Variants in BIRC6 observed in about 807,000 individuals in gnomAD.
BIRC6 encodes baculoviral IAP repeat containing 6, also known as dual E2 ubiquitin-conjugating enzyme/E3 ubiquitin-protein ligase BIRC6.
In BIRC6, 98 loss-of-function variants were observed where a neutral mutation model predicts 503.3. The ratio of observed to expected loss-of-function variants is 0.19; its 90% CI spans 0.17 to 0.23. The LOEUF (loss-of-function observed/expected upper bound fraction) is 0.23. Among genes scored for constraint, BIRC6 ranks in the 10% least tolerant of loss-of-function variants. The pLI is 1.00. For synonymous variants in BIRC6, 2,240 were observed against 2,078.7 expected, an observed-to-expected ratio of 1.08 and a Z score of -2.11; for missense variants, 5,360 against 5,806.0, an observed-to-expected ratio of 0.92 and a Z score of 2.50.
At chr2:32,610,912 G>A (rs1238944526) in intron 72 of BIRC6, among the ~76,000 whole-genome samples, 2 of 151,454 alleles carry the variant, frequency 1.3e-5, no homozygotes, top group African/African-American at 4.9e-5. Flanking sequence ...GGCACTACAG[G>A]TGCCTGCCAC....
At chr2:32,607,975 C>CAAAAAAA (rs35242178) in intron 72 of BIRC6, among the ~76,000 whole-genome samples, 4 of 51,930 alleles carry the variant, frequency 7.7e-5, no homozygotes, top group Admixed American at 7.6e-4. Flanking sequence ...ACTCCATCTC[C>CAAAAAAA]AAAAAAAAAA....
intron 71 of BIRC6, among the ~76,000 whole-genome samples, chr2:32,606,307 G>T (rs1009628077): frequency 3.3e-5 from 5 of 152,138 alleles, no homozygotes; most frequent in Admixed American, 2.6e-4. Context: ...AGAATTTCTG[G>T]CCGGGTATGA....
intron 23 of BIRC6, among the ~76,000 whole-genome samples, chr2:32,459,927 T>G (rs2047647518): frequency 6.6e-6 from 1 of 151,492 alleles, no homozygotes; most frequent in Non-Finnish European, 1.5e-5. Context: ...GACAGTGCTA[T>G]ATTATTAATT....
intron 21 of BIRC6, among the ~76,000 whole-genome samples, chr2:32,447,452 G>C (rs1193306768): frequency 4.3e-5 from 6 of 139,978 alleles, no homozygotes; most frequent in Non-Finnish European, 9.3e-5. Flanking sequence ...CCTCCCTCCC[G>C]GACTGGGCGG....
intron 65 of BIRC6, among the ~76,000 whole-genome samples, chr2:32,553,197 CAAAAAAAAAAA>C (rs763552918): frequency 6.2e-3 from 215 of 34,886 alleles, no homozygotes; most frequent in African/African-American, 0.014. Context: ...AACTCTGTCT[CAAAAAAAAAAA>C]AAAAAAAAAA....
intron 1 of BIRC6, among the ~76,000 whole-genome samples, chr2:32,372,439 C>G (rs1036024033): frequency 5.9e-5 from 9 of 152,128 alleles, no homozygotes; most frequent in African/African-American, 2.2e-4. Flanking sequence ...GCATGATGCC[C>G]TTGAGATTCT....
chr2:32,512,810 C>A (rs929016576), intron 53 of BIRC6, 123 bp from the exon 54 acceptor site: 16 of 709,278 alleles, frequency 2.3e-5, no homozygotes, highest in Non-Finnish European at 3.7e-5. Context: ...TTAAAATAAT[C>A]AAAAACAATT....
intron 26 of BIRC6, 111 bp downstream of exon 26, chr2:32,465,275 T>C (rs1203105540): frequency 3.4e-6 from 2 of 596,414 alleles, no homozygotes; most frequent in Non-Finnish European, 5.6e-6. Flanking sequence ...TTTTTGCAAA[T>C]CGCGTTTCCT....
chr2:32,531,434 T>C lies in BIRC6; in HGVS notation c.12174T>C (p.Asp4058=), dbSNP rs769788424. 1 of 1,613,938 alleles carries C rather than the reference T, an allele frequency of 6.2e-7. No individual in the cohort carries two copies. Among genetic ancestry groups the C allele is most frequent in the Non-Finnish European group, 8.5e-7 (1 of 1,179,838 alleles). ...PGDECMDGIL[D]ESLLETCPIQ... ...ATGAATGCATGGATGGGATACTGGA[T>C]GAATCTTTGCTTGAAACCTGTCCAA... The change falls in exon 61 of 74, where the codon GAT becomes GAC. Residue 4058 remains aspartate (D), a synonymous_variant. Transcript: ENST00000421745.
Position 32,396,053 on chromosome 2 carries a change from A to G in BIRC6, c.1034+460A>G, listed in dbSNP as rs143939198. Among the ~76,000 whole-genome samples the G allele has an allele frequency of 4.0e-3, 604 of 152,276 alleles. 7 individuals are homozygous for G. The highest frequency in any genetic ancestry group is 0.014 in the African/African-American group (590 of 41,548). On this transcript the variant is annotated intron_variant, in intron 6 of 73. Coordinates refer to ENST00000421745, the MANE Select transcript of BIRC6 (RefSeq NM_016252.4). The stretch of plus-strand genomic sequence containing the variant: ...TAAACATTAGAGATCATGTATTGAA[A>G]CTTCATTTTTACAAATAACTATTCT...
chr2:32,378,872 C>G (rs2037221122), intron 2 of BIRC6: 1 of 152,124 alleles, frequency 6.6e-6, no homozygotes, highest in African/African-American at 2.4e-5. Context: ...TTAAGTCTAG[C>G]CCAACTTAAA....
chr2:32,425,449 T>C (rs1216036202), intron 10 of BIRC6, among the ~76,000 whole-genome samples: 7 of 151,700 alleles, frequency 4.6e-5, no homozygotes, highest in South Asian at 2.1e-4. Context: ...TTTTTTTTTT[T>C]CTCCTGTAAA....
chr2:32,463,681 A>G (rs544674145), intron 24 of BIRC6, among the ~76,000 whole-genome samples: 1 of 152,350 alleles, frequency 6.6e-6, no homozygotes, highest in South Asian at 2.1e-4. Context: ...TACTATTTAT[A>G]TGGAGTATAG....
chr2:32,500,911 T>TG (rs1301495129), intron 46 of BIRC6, among the ~76,000 whole-genome samples: 5 of 151,996 alleles, frequency 3.3e-5, no homozygotes, highest in Non-Finnish European at 7.4e-5. Context: ...TGCCAATTTT[T>TG]TTTTTTGTAC....
intron 64 of BIRC6, 142 bp from the exon 65 acceptor site, chr2:32,549,171 A>AG: frequency 1.8e-6 from 1 of 560,118 alleles, no homozygotes; most frequent in Non-Finnish European, 2.8e-6. Context: ...AATTTAAACA[A>AG]ATAATTATTT....
intron 57 of BIRC6, chr2:32,522,159 C>T (rs1273130958): frequency 1.3e-5 from 2 of 151,732 alleles, no homozygotes; most frequent in East Asian, 3.9e-4. Flanking sequence ...CTTGTCCTTA[C>T]TTAAAGTGTA....
At chr2:32,611,719 T>C in intron 73 of BIRC6, 137 bp downstream of exon 73, 1 of 957,242 alleles carries the variant, frequency 1.0e-6, no homozygotes, top group Non-Finnish European at 1.4e-6. Context: ...GAGGAATAAA[T>C]TGTTACTCAG....
chr2:32,473,816 A>G (rs2049401905), intron 33 of BIRC6, among the ~76,000 whole-genome samples: 1 of 145,038 alleles, frequency 6.9e-6, no homozygotes, highest in Admixed American at 7.0e-5. Flanking sequence ...GCAGTGGAAC[A>G]ATCATAGTTC....
intron 69 of BIRC6, among the ~76,000 whole-genome samples, chr2:32,599,537 C>T (rs868704308): frequency 6.6e-6 from 1 of 152,022 alleles, no homozygotes; most frequent in Non-Finnish European, 1.5e-5. Context: ...ATTCAGGAGG[C>T]TGAGGCAGGA....
Sources: allele counts gnomAD v4.1 joint callset (sites outside exome capture counted in the v4.1 genomes callset), GRCh38; gene constraint gnomAD v4.1.1; transcripts MANE v1.5; gene names NCBI Gene and HGNC (gene_info 2026-07-23, HGNC 2026-07-21).